Variants in TMEM196 observed in about 807,000 individuals in gnomAD.
The protein encoded by TMEM196 is transmembrane protein 196.
Under a neutral mutation model 20.0 loss-of-function variants are expected in TMEM196, and 17 were observed. The ratio of observed to expected loss-of-function variants is 0.85; its 90% CI spans 0.58 to 1.27. The LOEUF (loss-of-function observed/expected upper bound fraction) is 1.27, where lower values mean the gene tolerates loss of function less well. Among genes scored for constraint, TMEM196 ranks in the 50% most tolerant of loss-of-function variants. The pLI, the probability that TMEM196 is intolerant of heterozygous loss-of-function variation, is 0.00. For synonymous variants in TMEM196, 113 were observed against 88.9 expected, an observed-to-expected ratio of 1.27 and a Z score of -1.52; for missense variants, 267 against 223.0, an observed-to-expected ratio of 1.20 and a Z score of -1.26.
At chr7:19,757,337 CTTTTTTTTTTTTTT>C (rs59859025) in intron 1 of TMEM196, among the ~76,000 whole-genome samples, 6 of 70,874 alleles carry the variant, frequency 8.5e-5, no homozygotes, top group Admixed American at 3.9e-4. Flanking sequence ...CCACACCCAG[CTTTTTTTTTTTTTT>C]TTTTTTTTTT....
At chr7:19,728,382 A>T (rs1217926451) in intron 2 of TMEM196, among the ~76,000 whole-genome samples, 1 of 152,206 alleles carries the variant, frequency 6.6e-6, no homozygotes, top group African/African-American at 2.4e-5. Context: ...AAGCCTGAAA[A>T]AATACATTTT....
chr7:19,727,908 T>C (rs1784056693), intron 2 of TMEM196, among the ~76,000 whole-genome samples: 2 of 152,170 alleles, frequency 1.3e-5, no homozygotes, highest in African/African-American at 2.4e-5. Flanking sequence ...ACTGCAGATA[T>C]ATTTGGAGTG....
At chr7:19,727,191 T>C (rs80277957) in intron 2 of TMEM196, among the ~76,000 whole-genome samples, 3,908 of 152,314 alleles carry the variant, frequency 0.026, 80 homozygotes, top group South Asian at 0.069. Flanking sequence ...CAATCAATCA[T>C]TCATAATAAT....
intron 1 of TMEM196, among the ~76,000 whole-genome samples, chr7:19,736,389 AT>A (rs1583428326): frequency 1.2e-4 from 6 of 50,388 alleles, no homozygotes; most frequent in Middle Eastern, 8.5e-3. Flanking sequence ...ATATATATAT[AT>A]ATATATATAT....
intron 1 of TMEM196, among the ~76,000 whole-genome samples, chr7:19,758,069 G>T (rs1216350902): frequency 1.3e-5 from 2 of 151,472 alleles, no homozygotes; most frequent in Non-Finnish European, 1.5e-5. Flanking sequence ...GATAGCAAAT[G>T]TTAATAGCCT....
chr7:19,772,227 C>A (rs1785911679), intron 1 of TMEM196, among the ~76,000 whole-genome samples: 1 of 139,016 alleles, frequency 7.2e-6, no homozygotes, highest in Non-Finnish European at 1.6e-5. Context: ...CCCCCCGCCT[C>A]CCAAACAGCA....
At chr7:19,755,833 A>C (rs1217813050) in intron 1 of TMEM196, among the ~76,000 whole-genome samples, 3 of 152,208 alleles carry the variant, frequency 2.0e-5, no homozygotes, top group Admixed American at 6.5e-5. Flanking sequence ...GTTTGAGACC[A>C]GCCTGGCCCA....
At chr7:19,771,627 A>C (rs985395840) in intron 1 of TMEM196, among the ~76,000 whole-genome samples, 4 of 152,204 alleles carry the variant, frequency 2.6e-5, no homozygotes, top group African/African-American at 9.7e-5. Flanking sequence ...AGGCATCCAG[A>C]AGTATATGAC....
At chr7:19,769,198 T>G (rs1785761051) in intron 1 of TMEM196, among the ~76,000 whole-genome samples, 1 of 152,158 alleles carries the variant, frequency 6.6e-6, no homozygotes, top group Non-Finnish European at 1.5e-5. Flanking sequence ...AAAATCTTAT[T>G]TGGCATTTAT....
At chr7:19,751,985 A>C (rs992001241) in intron 1 of TMEM196, among the ~76,000 whole-genome samples, 10 of 152,228 alleles carry the variant, frequency 6.6e-5, no homozygotes, top group Non-Finnish European at 5.9e-5. Flanking sequence ...TGTCTTCTGG[A>C]AAATAATTGT....
chr7:19,727,212 A>G (rs1309223430), intron 2 of TMEM196, among the ~76,000 whole-genome samples: 1 of 152,202 alleles, frequency 6.6e-6, no homozygotes, highest in Non-Finnish European at 1.5e-5. Flanking sequence ...TCCTCTTGAG[A>G]ATAGTTAAAT....
intron 2 of TMEM196, among the ~76,000 whole-genome samples, chr7:19,726,186 G>A (rs560985926): frequency 2.0e-5 from 3 of 152,182 alleles, no homozygotes; most frequent in South Asian, 4.1e-4. Context: ...AGTAACATAC[G>A]TTTTAGAAAA....
rs1481784626 is a variant in TMEM196 at position 19,773,609 on chromosome 7, G to C, written c.-913C>G. On this transcript the variant is annotated 5_prime_UTR_variant, in exon 1 of 5. Transcript: ENST00000405844. The stretch of plus-strand genomic sequence containing the variant: ...GCTCCTTTCTGGGCTTCTATCCAGC[G>C]GAGAGGGGAGGCGATGCCTACGTCA... 1 of 169,228 alleles carries C rather than the reference G, an allele frequency of 5.9e-6. No homozygotes were observed. The highest frequency in any genetic ancestry group is 2.0e-4 in the South Asian group (1 of 4,922). The allele number at this position is 169,228 out of a possible 1,614,324, so 10.5% of individuals were successfully genotyped here.
At position 19,773,371 on chromosome 7, in the gene TMEM196, C is replaced by T. The variant is rs532344915; in HGVS notation, c.-675G>A. On this transcript the variant is annotated 5_prime_UTR_variant, in exon 1 of 5. Transcript: ENST00000405844. ...GCCTCTTTCCGTCTGGGTTTCTTCT[C>T]CCTCGTCGTCGTCCTCTTCCTCCTC... 131 of 156,986 alleles carry T rather than the reference C, an allele frequency of 8.3e-4. No homozygotes were observed. Among genetic ancestry groups the T allele is most frequent in the African/African-American group, 3.0e-3 (124 of 41,644 alleles). The allele number at this position is 156,986 out of a possible 1,614,324, so 9.7% of individuals were successfully genotyped here. A position where few individuals can be genotyped will look rare whatever the true frequency, so the allele number is the denominator to read the frequency against.
At chr7:19,724,105 G>A (rs918516719) in intron 4 of TMEM196, among the ~76,000 whole-genome samples, 175 bp downstream of exon 4, 32 of 152,142 alleles carry the variant, frequency 2.1e-4, no homozygotes, top group African/African-American at 7.2e-4. Context: ...TGCAAGACTC[G>A]GCCATGTAGG....
At chr7:19,738,312 G>A (rs1296647511) in intron 1 of TMEM196, among the ~76,000 whole-genome samples, 2 of 151,932 alleles carry the variant, frequency 1.3e-5, no homozygotes, top group African/African-American at 2.4e-5. Context: ...ACATCGTAAG[G>A]GATTGGAGTT....
chr7:19,766,924 C>A (rs1785655451), intron 1 of TMEM196, among the ~76,000 whole-genome samples: 1 of 152,028 alleles, frequency 6.6e-6, no homozygotes, highest in Admixed American at 6.6e-5. Context: ...AGAGACCGAA[C>A]TAAGATATAT....
intron 1 of TMEM196, among the ~76,000 whole-genome samples, chr7:19,761,817 A>G (rs925364622): frequency 6.6e-6 from 1 of 152,178 alleles, no homozygotes; most frequent in Non-Finnish European, 1.5e-5. Context: ...ATCCAAGTCC[A>G]AAAAAATCTC....
At chr7:19,752,629 T>C (rs755963329) in intron 1 of TMEM196, among the ~76,000 whole-genome samples, 6 of 151,976 alleles carry the variant, frequency 3.9e-5, no homozygotes, top group South Asian at 2.1e-4. Flanking sequence ...TTCTTTCTTT[T>C]TTTGAGATGG....
Sources: allele counts gnomAD v4.1 joint callset (sites outside exome capture counted in the v4.1 genomes callset), GRCh38; gene constraint gnomAD v4.1.1; transcripts MANE v1.5; gene names NCBI Gene and HGNC (gene_info 2026-07-23, HGNC 2026-07-21).